Variants in CNOT6 observed in about 807,000 individuals in gnomAD.
The protein encoded by CNOT6 is carbon catabolite repression 4 protein.
CNOT6 carries 12 observed loss-of-function variants against 61.2 expected under a neutral mutation model. The ratio of observed to expected loss-of-function variants is 0.20; its 90% CI spans 0.13 to 0.32. CNOT6 has a LOEUF of 0.32. CNOT6 is among the 10% of genes least tolerant of loss of function. CNOT6 has a pLI of 1.00. For synonymous variants in CNOT6, 225 were observed against 240.6 expected, an observed-to-expected ratio of 0.94 and a Z score of 0.60; for missense variants, 405 against 663.9, an observed-to-expected ratio of 0.61 and a Z score of 4.28.
chr5:180,537,736 C>T (rs1671812941), intron 2 of CNOT6, among the ~76,000 whole-genome samples: 1 of 150,390 alleles, frequency 6.6e-6, no homozygotes, highest in South Asian at 2.1e-4. Flanking sequence ...TTGATTTCTT[C>T]AGAATTTTGT....
chr5:180,550,918 G>T (rs1391000603), intron 3 of CNOT6, among the ~76,000 whole-genome samples: 1 of 152,136 alleles, frequency 6.6e-6, no homozygotes, highest in African/African-American at 2.4e-5. Flanking sequence ...GTAAGTTCAG[G>T]TTGGAATCTT....
At chr5:180,516,216 C>T (rs1757632012) in intron 1 of CNOT6, among the ~76,000 whole-genome samples, 1 of 145,126 alleles carries the variant, frequency 6.9e-6, no homozygotes, top group South Asian at 2.2e-4. Flanking sequence ...GAGACTTGCT[C>T]AGTCACCAGG....
At chr5:180,511,043 A>G (rs1757366301) in intron 1 of CNOT6, among the ~76,000 whole-genome samples, 1 of 152,118 alleles carries the variant, frequency 6.6e-6, no homozygotes, top group African/African-American at 2.4e-5. Flanking sequence ...GACCTCAGGT[A>G]ATCTGCCTGC....
intron 2 of CNOT6, among the ~76,000 whole-genome samples, chr5:180,543,989 T>C (rs1339116576): frequency 1.3e-5 from 2 of 152,000 alleles, no homozygotes; most frequent in Non-Finnish European, 2.9e-5. Flanking sequence ...TTTTTTGTAT[T>C]TTTAGTAGAG....
chr5:180,541,440 AATTTTTTTTTT>A (rs1399480191), intron 2 of CNOT6, among the ~76,000 whole-genome samples: 6 of 102,928 alleles, frequency 5.8e-5, no homozygotes, highest in Non-Finnish European at 1.2e-4. Flanking sequence ...CTGGCCAAGA[AATTTTTTTTTT>A]TTTTTTTTTT....
chr5:180,497,345 A>G (rs1328470874), intron 1 of CNOT6, among the ~76,000 whole-genome samples: 1 of 148,096 alleles, frequency 6.8e-6, no homozygotes, highest in Non-Finnish European at 1.5e-5. Flanking sequence ...AAAAAAAAGT[A>G]TGCATTTTGG....
chr5:180,537,711 C>T (rs1758769455), intron 2 of CNOT6, among the ~76,000 whole-genome samples: 1 of 151,650 alleles, frequency 6.6e-6, no homozygotes, highest in African/African-American at 2.4e-5. Context: ...AGAATATCTC[C>T]ATTTATTTAG....
chr5:180,546,817 A>G (rs926362871), intron 2 of CNOT6, among the ~76,000 whole-genome samples: 2 of 152,210 alleles, frequency 1.3e-5, no homozygotes, highest in Non-Finnish European at 2.9e-5. Context: ...CAGGTTGAGT[A>G]TTGCTTAACT....
At chr5:180,505,572 G>T (rs1266150024) in intron 1 of CNOT6, among the ~76,000 whole-genome samples, 2 of 127,440 alleles carry the variant, frequency 1.6e-5, no homozygotes, top group Admixed American at 9.0e-5. Flanking sequence ...TTTTGAGACG[G>T]AGTCTGGCTC....
rs542536284 is a variant in CNOT6 at position 180,527,680 on chromosome 5, T to G, written c.-2-1595T>G. ...GTTTATGTGTACTTCTCATGGTGTCTTATTGGGAAGCACGTAATGTCTGGT... is the reference window on the plus strand; with the variant it reads ...GTTTATGTGTACTTCTCATGGTGTCGTATTGGGAAGCACGTAATGTCTGGT... On this transcript the variant is annotated intron_variant, in intron 1 of 11. Coordinates refer to ENST00000261951, the MANE Select transcript of CNOT6 (RefSeq NM_001370472.1). 3.2e-4 allele frequency among the ~76,000 whole-genome samples: 49 copies of G among 152,290 alleles called. No homozygotes were observed. In the South Asian group the frequency reaches 7.9e-3, roughly 24 times the overall value.
chr5:180,525,203 C>A (rs147645435), intron 1 of CNOT6, among the ~76,000 whole-genome samples: 3 of 152,138 alleles, frequency 2.0e-5, no homozygotes, highest in Admixed American at 2.0e-4. Flanking sequence ...TTACTTACTT[C>A]CTTCTGTGCT....
At chr5:180,544,191 TA>T (rs1483798115) in intron 2 of CNOT6, among the ~76,000 whole-genome samples, 1 of 152,242 alleles carries the variant, frequency 6.6e-6, no homozygotes, top group Non-Finnish European at 1.5e-5. Flanking sequence ...TCTCTCATTA[TA>T]AAACTCACAG....
At chr5:180,526,598 A>G (rs1168519801) in intron 1 of CNOT6, among the ~76,000 whole-genome samples, 11 of 152,160 alleles carry the variant, frequency 7.2e-5, no homozygotes. Context: ...AATTTACAGT[A>G]TTATTTCTGG....
chr5:180,562,459 G>T (rs976291226), intron 4 of CNOT6, among the ~76,000 whole-genome samples: 1 of 152,156 alleles, frequency 6.6e-6, no homozygotes, highest in African/African-American at 2.4e-5. Flanking sequence ...AAGAAGTCCT[G>T]GCCGGGCGCG....
chr5:180,571,637 C>T (rs891262343), intron 11 of CNOT6, among the ~76,000 whole-genome samples: 8 of 152,194 alleles, frequency 5.3e-5, no homozygotes, highest in African/African-American at 1.9e-4. Context: ...ACAGTGATGG[C>T]TCACTGCAGC....
chr5:180,514,340 T>G (rs1440250551), intron 1 of CNOT6, among the ~76,000 whole-genome samples: 1 of 152,144 alleles, frequency 6.6e-6, no homozygotes, highest in Admixed American at 6.6e-5. Context: ...GAGAATTGCT[T>G]GAAGCTGGAA....
At chr5:180,568,037 GCTCTGACTAGACAT>G (rs1488927290) in intron 9 of CNOT6, 34 bp downstream of exon 9, 1 of 1,558,440 alleles carries the variant, frequency 6.4e-7, no homozygotes, top group African/African-American at 1.4e-5. Flanking sequence ...AAATTGACCA[GCTCTGACTAGACAT>G]CTTCAAAAGA....
At chr5:180,512,896 C>G (rs905502363) in intron 1 of CNOT6, among the ~76,000 whole-genome samples, 1 of 151,168 alleles carries the variant, frequency 6.6e-6, no homozygotes, top group Non-Finnish European at 1.5e-5. Context: ...CTGCACCCAG[C>G]CATTTATTTA....
At chr5:180,513,197 A>G (rs1390453952) in intron 1 of CNOT6, among the ~76,000 whole-genome samples, 1 of 147,824 alleles carries the variant, frequency 6.8e-6, no homozygotes, top group Non-Finnish European at 1.5e-5. Flanking sequence ...GCACCCGGCC[A>G]TTTATTTATT....
Sources: gnomAD v4.1 joint callset for allele counts (sites outside exome capture counted in the v4.1 genomes callset) on GRCh38, gnomAD v4.1.1 for gene constraint, MANE v1.5 for transcripts, NCBI Gene and HGNC (gene_info 2026-07-23, HGNC 2026-07-21) for gene names.